The following PRKAR1A variants were observed in gnomAD, a reference collection of about 807,000 sequenced individuals.
The protein encoded by PRKAR1A is protein kinase cAMP-dependent type I regulatory subunit alpha.
In PRKAR1A, 3 loss-of-function variants were observed where a neutral mutation model predicts 52.0. The observed-to-expected ratio is 0.06, with a 90% confidence interval of 0.03 to 0.15. PRKAR1A has a LOEUF of 0.15. Ranked by LOEUF, PRKAR1A falls within the 10% of genes least tolerant of loss-of-function variation. The pLI, the probability that PRKAR1A is intolerant of heterozygous loss-of-function variation, is 1.00. For missense variants in PRKAR1A, 240 were observed against 477.4 expected (o/e 0.50, Z 4.63); for synonymous variants, 188 against 168.4 (o/e 1.12, Z -0.90).
At chr17:68,427,866 C>T in the PRKAR1A span, among the ~76,000 whole-genome samples, 1 of 152,154 alleles carries the variant, frequency 6.6e-6, no homozygotes, top group Admixed American at 6.5e-5. Context: ...TGCCTGTTCA[C>T]AGAAGGCATG....
At chr17:68,459,690 C>A in the PRKAR1A span, among the ~76,000 whole-genome samples, 1 of 151,960 alleles carries the variant, frequency 6.6e-6, no homozygotes, top group Non-Finnish European at 1.5e-5. Context: ...AATGTGAACT[C>A]CACATTGTAA....
chr17:68,548,705 A>G (rs2086682201), intron 11 of PRKAR1A, among the ~76,000 whole-genome samples: 1 of 150,808 alleles, frequency 6.6e-6, no homozygotes, highest in Non-Finnish European at 1.5e-5. Flanking sequence ...AAACGCAGAT[A>G]CAGCGAGCTA....
At chr17:68,486,028 C>T in the PRKAR1A span, among the ~76,000 whole-genome samples, 12 of 152,100 alleles carry the variant, frequency 7.9e-5, no homozygotes, top group Admixed American at 7.9e-4. Context: ...CGTGAGCCAT[C>T]GTGCCCAGCC....
chr17:68,492,914 G>A, the PRKAR1A span, among the ~76,000 whole-genome samples: 1 of 152,182 alleles, frequency 6.6e-6, no homozygotes, highest in Non-Finnish European at 1.5e-5. Context: ...GTCTGTCATT[G>A]ATGGACATTT....
At chr17:68,527,499 T>C (rs3785906) in intron 7 of PRKAR1A, 59,850 of 271,514 alleles carry the variant, frequency 0.22, 6,846 homozygotes, top group South Asian at 0.25. Flanking sequence ...GTTTAAAGTG[T>C]GTGGAAAAAT....
At chr17:68,521,524 C>T (rs1466639633) in intron 2 of PRKAR1A, among the ~76,000 whole-genome samples, 1 of 152,264 alleles carries the variant, frequency 6.6e-6, no homozygotes, top group Admixed American at 6.5e-5. Flanking sequence ...AGCCACTGTA[C>T]CCAGTCATGT....
chr17:68,547,584 CTT>C (rs752761964), intron 11 of PRKAR1A, among the ~76,000 whole-genome samples: 11 of 152,184 alleles, frequency 7.2e-5, no homozygotes, highest in Non-Finnish European at 2.9e-5. Flanking sequence ...GGCTTTTTTC[CTT>C]AAGCCTGGTG....
chr17:68,539,024 T>C (rs2086179849), intron 11 of PRKAR1A, among the ~76,000 whole-genome samples: 1 of 152,224 alleles, frequency 6.6e-6, no homozygotes, highest in African/African-American at 2.4e-5. Context: ...TGATAACTGC[T>C]TGTAGGCTAC....
chr17:68,416,573 T>C, the PRKAR1A span, among the ~76,000 whole-genome samples: 2 of 152,220 alleles, frequency 1.3e-5, no homozygotes, highest in African/African-American at 2.4e-5. Flanking sequence ...TCCAAACTTT[T>C]AGATTTCTCT....
chr17:68,540,408 A>G (rs2045108778), intron 11 of PRKAR1A: 1 of 454,630 alleles, frequency 2.2e-6, no homozygotes, highest in Non-Finnish European at 4.4e-6. Context: ...AAGCTCCTGT[A>G]TGACGGCCAC....
chr17:68,539,510 G>T, intron 11 of PRKAR1A: 1 of 914,952 alleles, frequency 1.1e-6, no homozygotes, highest in Non-Finnish European at 1.8e-6. Context: ...AAATGCCAGG[G>T]ATCATGGCAG....
the PRKAR1A span, among the ~76,000 whole-genome samples, chr17:68,491,098 T>C: frequency 1.3e-4 from 4 of 29,886 alleles, no homozygotes; most frequent in African/African-American, 1.6e-4. Flanking sequence ...TTCTTTCTTT[T>C]TTTTTTTTTT....
chr17:68,542,916 A>C (rs574432789), intron 11 of PRKAR1A: 1 of 865,058 alleles, frequency 1.2e-6, no homozygotes. Flanking sequence ...TGTACCCAGG[A>C]GGGTGGCCGG....
intron 11 of PRKAR1A, chr17:68,539,910 G>C (rs765210918): frequency 3.1e-6 from 5 of 1,614,168 alleles, no homozygotes; most frequent in Non-Finnish European, 3.4e-6. Context: ...AGGTGAATAA[G>C]GAACCCATCA....
intron 11 of PRKAR1A, chr17:68,542,779 T>C (rs763221264): frequency 2.5e-6 from 4 of 1,614,122 alleles, no homozygotes; most frequent in Non-Finnish European, 3.4e-6. Flanking sequence ...TCCTCCCCAC[T>C]GTTGGCGGCA....
At chr17:68,545,811 A>G (rs931175346) in intron 11 of PRKAR1A, among the ~76,000 whole-genome samples, 1 of 152,208 alleles carries the variant, frequency 6.6e-6, no homozygotes, top group Non-Finnish European at 1.5e-5. Context: ...AACAATGTTC[A>G]CAGCGTCTTC....
the PRKAR1A span, among the ~76,000 whole-genome samples, chr17:68,439,854 C>T: frequency 3.3e-5 from 5 of 152,124 alleles, no homozygotes; most frequent in African/African-American, 1.2e-4. Context: ...GATGCCAAGC[C>T]TTCGTTTCTT....
At chr17:68,489,205 T>TGGA in the PRKAR1A span, among the ~76,000 whole-genome samples, 3 of 40,452 alleles carry the variant, frequency 7.4e-5, no homozygotes, top group Non-Finnish European at 1.3e-4. Context: ...TATATATATA[T>TGGA]ATATATATAT....
chr17:68,453,057 T>TCTATTTGC, the PRKAR1A span: 8 of 1,370,564 alleles, frequency 5.8e-6, no homozygotes, highest in Non-Finnish European at 8.3e-6. Context: ...TGTCTGCAAA[T>TCTATTTGC]AGATGCCTTT....
Sources: allele counts gnomAD v4.1 joint callset (sites outside exome capture counted in the v4.1 genomes callset), GRCh38; gene constraint gnomAD v4.1.1; transcripts MANE v1.5; gene names NCBI Gene and HGNC (gene_info 2026-07-23, HGNC 2026-07-21).